RTF1: variants seen among roughly 807,000 people sequenced by gnomAD.
The protein encoded by RTF1 is RNA polymerase-associated protein RTF1 homolog.
Under a neutral mutation model 95.7 loss-of-function variants are expected in RTF1, and 10 were observed. The observed-to-expected ratio is 0.10, with a 90% CI of 0.06 to 0.18. RTF1 has a LOEUF of 0.18. RTF1 is among the 10% of genes least tolerant of loss of function. The pLI is 1.00. For synonymous variants in RTF1, 305 were observed against 311.8 expected (o/e 0.98, Z 0.23); for missense variants, 458 against 875.6 (o/e 0.52, Z 6.02).
At chr15:41,469,867 T>A (rs983199384) in intron 6 of RTF1, among the ~76,000 whole-genome samples, 2 of 152,172 alleles carry the variant, frequency 1.3e-5, no homozygotes, top group African/African-American at 4.8e-5. Context: ...CATTGGTAGA[T>A]GTACCAGTGG....
At chr15:41,444,934 A>AT (rs1274032347) in intron 2 of RTF1, among the ~76,000 whole-genome samples, 1 of 151,228 alleles carries the variant, frequency 6.6e-6, no homozygotes, top group Non-Finnish European at 1.5e-5. Flanking sequence ...TATTTTATTT[A>AT]TTTATTTATT....
At chr15:41,434,960 CTCT>C (rs2050694625) in intron 1 of RTF1, among the ~76,000 whole-genome samples, 1 of 142,974 alleles carries the variant, frequency 7.0e-6, no homozygotes, top group South Asian at 2.2e-4. Flanking sequence ...GTTACAGTAA[CTCT>C]TTTTTTTTTT....
At chr15:41,422,264 G>A (rs984649936) in intron 1 of RTF1, among the ~76,000 whole-genome samples, 3 of 152,106 alleles carry the variant, frequency 2.0e-5, no homozygotes, top group Admixed American at 2.0e-4. Flanking sequence ...CTGGCCTCAG[G>A]TGATCCAGCA....
intron 2 of RTF1, among the ~76,000 whole-genome samples, chr15:41,444,094 TA>T (rs1233629020): frequency 3.4e-5 from 5 of 149,034 alleles, no homozygotes; most frequent in Admixed American, 1.3e-4. Context: ...AAAGAAAAAT[TA>T]AAAAAAAATT....
chr15:41,467,733 G>C (rs1273356307), intron 6 of RTF1, among the ~76,000 whole-genome samples: 1 of 150,828 alleles, frequency 6.6e-6, no homozygotes, highest in South Asian at 2.1e-4. Context: ...AACAACAAAA[G>C]ATAATGTGGG....
chr15:41,422,364 T>A lies in RTF1; in HGVS notation c.198+5051T>A, dbSNP rs534337504. Reference sequence around the variant, plus strand: ...TTTCTTTTAGCATTTGACCTGATAGTGACTCTGTCCTTATTTTGACCACAC... The same window carrying A: ...TTTCTTTTAGCATTTGACCTGATAGAGACTCTGTCCTTATTTTGACCACAC... On this transcript the variant is annotated intron_variant, in intron 1 of 17. Transcript: ENST00000389629. Among the ~76,000 whole-genome samples the A allele has an allele frequency of 3.9e-5, 6 of 152,348 alleles. No individual in the cohort carries two copies. The South Asian group carries it at 1.2e-3, about 32-fold the overall frequency.
intron 1 of RTF1, among the ~76,000 whole-genome samples, chr15:41,417,597 A>G (rs910016534): frequency 4.6e-5 from 7 of 151,924 alleles, no homozygotes; most frequent in East Asian, 3.9e-4. Context: ...AGGGGCCGCG[A>G]TCTTCCGGGG....
In RTF1 at chr15:41,439,410, T is replaced by A. The variant is rs184997600; in HGVS notation, c.309+979T>A. Among the ~76,000 whole-genome samples the A allele has an allele frequency of 9.2e-5, 14 of 152,258 alleles. No homozygotes were observed. In the East Asian group the frequency reaches 2.3e-3, roughly 25 times the overall value. On this transcript the variant is annotated intron_variant, in intron 2 of 17. Transcript: ENST00000389629. ...ATAAATTCTATCAAGGATGCTGTAGTTTAATGGGAAATACTTTAGTGAGAA... is the reference window on the plus strand; with the variant it reads ...ATAAATTCTATCAAGGATGCTGTAGATTAATGGGAAATACTTTAGTGAGAA...
intron 2 of RTF1, among the ~76,000 whole-genome samples, chr15:41,441,757 C>T (rs2050737155): frequency 6.6e-6 from 1 of 152,170 alleles, no homozygotes; most frequent in South Asian, 2.1e-4. Context: ...AGTGACTTTT[C>T]CCCTACAGGA....
chr15:41,464,149 C>CTGTT (rs1289366273), intron 4 of RTF1, among the ~76,000 whole-genome samples: 13 of 150,836 alleles, frequency 8.6e-5, no homozygotes, highest in Admixed American at 6.6e-4. Flanking sequence ...TGCACCGGGC[C>CTGTT]TGTTTGTTTG....
At chr15:41,458,054 C>T (rs1039800896) in intron 4 of RTF1, among the ~76,000 whole-genome samples, 178 bp downstream of exon 4, 10 of 152,176 alleles carry the variant, frequency 6.6e-5, no homozygotes, top group Non-Finnish European at 1.3e-4. Context: ...ATTATTTACT[C>T]AGTGCCACTG....
chr15:41,437,447 G>A (rs1374500223), intron 1 of RTF1, among the ~76,000 whole-genome samples: 4 of 152,012 alleles, frequency 2.6e-5, no homozygotes, highest in African/African-American at 7.2e-5. Flanking sequence ...AGTAAGCCGA[G>A]GTCGCACCAC....
At chr15:41,477,068 A>C in intron 12 of RTF1, 97 bp from the exon 13 acceptor site, 8 of 1,486,434 alleles carry the variant, frequency 5.4e-6, no homozygotes, top group Non-Finnish European at 7.5e-6. Flanking sequence ...TGCTCACCAC[A>C]TGAGATATCT....
At chr15:41,477,901 T>C (rs2050949932) in intron 14 of RTF1, among the ~76,000 whole-genome samples, 1 of 149,872 alleles carries the variant, frequency 6.7e-6, no homozygotes, top group South Asian at 2.1e-4. Flanking sequence ...GGGTCAGGAG[T>C]TTGAAACCAG....
intron 3 of RTF1, among the ~76,000 whole-genome samples, chr15:41,455,709 C>T (rs1336574640): frequency 6.6e-6 from 1 of 150,708 alleles, no homozygotes; most frequent in East Asian, 2.0e-4. Context: ...GGAGGCTGAG[C>T]CCCAAGAATC....
Position 41,438,967 on chromosome 15 carries a change from CT to C in RTF1, c.309+551del, listed in dbSNP as rs538080651. 4.2e-3 allele frequency among the ~76,000 whole-genome samples: 565 copies of C among 133,054 alleles called. 5 individuals carry two copies. Among genetic ancestry groups the C allele is most frequent in the Middle Eastern group, 0.012 (3 of 250 alleles). The allele number at this position is 133,054 out of a possible 152,430, so 87.3% of individuals were successfully genotyped here. A position where few individuals can be genotyped will look rare whatever the true frequency, so the allele number is the denominator to read the frequency against. On this transcript the variant is annotated intron_variant, in intron 2 of 17. Transcript: ENST00000389629. The stretch of plus-strand genomic sequence containing the variant: ...CAGGACATGCGTAGTCATTCTGTAG[CT>C]TTTTTTTTTTTTTTCAGCCTTATTG...
At chr15:41,470,116 A>T in intron 6 of RTF1, 141 bp from the exon 7 acceptor site, 3 of 823,832 alleles carry the variant, frequency 3.6e-6, no homozygotes, top group Non-Finnish European at 5.7e-6. Context: ...TCATTTCTGT[A>T]TATACCCCAA....
rs1194837175 is a variant in RTF1, at chr15:41,457,910, C to G, written c.662+34C>G. ...GTCCTCGTCGTTGTCCCCCCCCCGC[C>G]CCCACCTTTTCTGTTCATCTCTTTT... On this transcript the variant is annotated intron_variant, in intron 4 of 17. Transcript: ENST00000389629. The G allele has an allele frequency of 3.9e-6, 6 of 1,551,166 alleles. No homozygotes were observed. In the African/African-American group the frequency reaches 5.5e-5, roughly 14 times the overall value.
chr15:41,456,479 A>G, intron 3 of RTF1, among the ~76,000 whole-genome samples: 1 of 137,796 alleles, frequency 7.3e-6, no homozygotes, highest in South Asian at 2.3e-4. Flanking sequence ...ACAGAGAGAG[A>G]CTCTGTCTCA....
Sources: gnomAD v4.1 joint callset for allele counts (sites outside exome capture counted in the v4.1 genomes callset) on GRCh38, gnomAD v4.1.1 for gene constraint, MANE v1.5 for transcripts, NCBI Gene and HGNC (gene_info 2026-07-23, HGNC 2026-07-21) for gene names.